KIAA1217: variants seen among roughly 807,000 people sequenced by gnomAD.
KIAA1217 encodes the protein sickle tail protein homolog.
Under a neutral mutation model 163.9 loss-of-function variants are expected in KIAA1217, and 88 were observed. That is an observed-to-expected ratio of 0.54 (90% CI 0.45 to 0.64). The LOEUF is 0.64. Ranked by LOEUF, KIAA1217 falls within the 30% of genes least tolerant of loss-of-function variation. The pLI is 0.00. For missense variants in KIAA1217, 2,372 were observed against 2,475.0 expected (o/e 0.96, Z 0.88); for synonymous variants, 903 against 923.1 (o/e 0.98, Z 0.39).
At chr10:24,202,261 T>C (rs931520240) in intron 2 of KIAA1217, among the ~76,000 whole-genome samples, 3 of 152,338 alleles carry the variant, frequency 2.0e-5, no homozygotes, top group South Asian at 4.1e-4. Flanking sequence ...TCAGTGTTTA[T>C]TTGGCAGAGA....
chr10:23,980,212 G>A (rs1019406283), intron 1 of KIAA1217, among the ~76,000 whole-genome samples: 1 of 152,112 alleles, frequency 6.6e-6, no homozygotes, highest in Non-Finnish European at 1.5e-5. Context: ...CCCGAGAATG[G>A]GACACTCTCA....
chr10:23,731,604 G>C (rs1031629415), intron 1 of KIAA1217, among the ~76,000 whole-genome samples: 1 of 152,074 alleles, frequency 6.6e-6, no homozygotes, highest in Non-Finnish European at 1.5e-5. Context: ...AGGGAGGGAG[G>C]GGGTACAACC....
At chr10:24,322,371 G>A (rs998966114) in intron 2 of KIAA1217, among the ~76,000 whole-genome samples, 1 of 152,186 alleles carries the variant, frequency 6.6e-6, no homozygotes, top group Non-Finnish European at 1.5e-5. Context: ...AAGGTGCGGG[G>A]TAATCTCTGA....
At chr10:23,887,573 T>C (rs1841238391) in intron 1 of KIAA1217, among the ~76,000 whole-genome samples, 1 of 151,828 alleles carries the variant, frequency 6.6e-6, no homozygotes, top group African/African-American at 2.4e-5. Flanking sequence ...TTTTTTATAT[T>C]GTCTATAATA....
intron 1 of KIAA1217, among the ~76,000 whole-genome samples, chr10:23,750,265 G>T (rs145371741): frequency 6.6e-6 from 1 of 152,220 alleles, no homozygotes; most frequent in East Asian, 1.9e-4. Flanking sequence ...CTTAATAAAA[G>T]TCTAAATGTT....
intron 2 of KIAA1217, among the ~76,000 whole-genome samples, chr10:24,273,208 G>A (rs759526449): frequency 6.6e-6 from 1 of 152,304 alleles, no homozygotes; most frequent in Non-Finnish European, 1.5e-5. Flanking sequence ...TTTAGAGGCT[G>A]ATAAATTTCC....
intron 2 of KIAA1217, among the ~76,000 whole-genome samples, chr10:24,254,154 C>G (rs1157581612): frequency 6.6e-6 from 1 of 152,136 alleles, no homozygotes; most frequent in African/African-American, 2.4e-5. Flanking sequence ...TCTCCCCTCT[C>G]CTGGCTCAGG....
chr10:23,884,013 A>G (rs182018035), intron 1 of KIAA1217, among the ~76,000 whole-genome samples: 97 of 152,072 alleles, frequency 6.4e-4, no homozygotes, highest in African/African-American at 2.3e-3. Context: ...CGCCTACTGA[A>G]AGGCATCTTA....
intron 9 of KIAA1217, among the ~76,000 whole-genome samples, chr10:24,502,766 G>A (rs1388094911): frequency 1.3e-5 from 2 of 152,174 alleles, no homozygotes; most frequent in African/African-American, 4.8e-5. Flanking sequence ...GACGAGGCAG[G>A]TGGATGACGA....
rs543508098 is a variant in KIAA1217 at position 24,530,692 on chromosome 10, C to A, written c.3083-1138C>A. On this transcript the variant is annotated intron_variant, in intron 14 of 20. Coordinates refer to ENST00000376454, the MANE Select transcript of KIAA1217 (RefSeq NM_019590.5). ...CAGGAGGAATCACTTGAAGCCAGGA[C>A]TTCAAGAGCAGCCTGGGCAGCATAG... Among the ~76,000 whole-genome samples, 377 of 152,190 alleles carry A rather than the reference C, an allele frequency of 2.5e-3. 2 individuals carry two copies. Among genetic ancestry groups the A allele is most frequent in the Admixed American group, 3.3e-3 (50 of 15,286 alleles).
intron 1 of KIAA1217, among the ~76,000 whole-genome samples, chr10:23,956,775 A>T (rs975407126): frequency 6.6e-6 from 1 of 152,158 alleles, no homozygotes; most frequent in African/African-American, 2.4e-5. Flanking sequence ...GGAGCAAGAG[A>T]GTGATTTGGG....
intron 2 of KIAA1217, among the ~76,000 whole-genome samples, chr10:24,203,098 G>A (rs1031905306): frequency 6.6e-6 from 1 of 151,462 alleles, no homozygotes; most frequent in Non-Finnish European, 1.5e-5. Flanking sequence ...GCTGAGGGTA[G>A]AGGATTGATT....
intron 5 of KIAA1217, among the ~76,000 whole-genome samples, chr10:24,448,924 A>G (rs2061178522): frequency 6.6e-6 from 1 of 152,248 alleles, no homozygotes; most frequent in Non-Finnish European, 1.5e-5. Context: ...TCAATAATCA[A>G]TAATGATACA....
At chr10:23,731,949 A>G (rs2130789674) in intron 1 of KIAA1217, among the ~76,000 whole-genome samples, 1 of 152,212 alleles carries the variant, frequency 6.6e-6, no homozygotes. Flanking sequence ...CCTGGGATAA[A>G]TCTCACTTGG....
At chr10:24,520,646 A>AG (rs1232044572) in intron 11 of KIAA1217, among the ~76,000 whole-genome samples, 8 of 90,096 alleles carry the variant, frequency 8.9e-5, no homozygotes, top group African/African-American at 4.3e-4. Context: ...AAAAAAAAAA[A>AG]AAAAAATATA....
At chr10:24,018,563 AT>A (rs1334079348) in intron 2 of KIAA1217, among the ~76,000 whole-genome samples, 3 of 151,300 alleles carry the variant, frequency 2.0e-5, no homozygotes, top group East Asian at 1.9e-4. Context: ...CATAATAATA[AT>A]AAAAAATAAT....
intron 1 of KIAA1217, among the ~76,000 whole-genome samples, chr10:23,985,809 G>T (rs1048949974): frequency 2.6e-5 from 4 of 152,126 alleles, no homozygotes; most frequent in South Asian, 2.1e-4. Context: ...TTCTCATAAA[G>T]CCTTAGAGGA....
intron 1 of KIAA1217, among the ~76,000 whole-genome samples, chr10:23,967,503 A>C (rs531935457): frequency 3.3e-5 from 5 of 152,322 alleles, no homozygotes; most frequent in Admixed American, 2.0e-4. Context: ...TGGCCAATAC[A>C]TAAATGCAAT....
At chr10:23,831,348 C>A (rs1488208974) in intron 1 of KIAA1217, among the ~76,000 whole-genome samples, 1 of 151,480 alleles carries the variant, frequency 6.6e-6, no homozygotes, top group African/African-American at 2.4e-5. Context: ...AAAAAGATGG[C>A]CTATGGATGG....
Sources: gnomAD v4.1 joint callset for allele counts (sites outside exome capture counted in the v4.1 genomes callset) on GRCh38, gnomAD v4.1.1 for gene constraint, MANE v1.5 for transcripts, NCBI Gene and HGNC (gene_info 2026-07-23, HGNC 2026-07-21) for gene names.